The following HEPH variants were observed in gnomAD, a reference collection of about 807,000 sequenced individuals.
HEPH encodes the protein hephaestin.
HEPH carries 69 observed loss-of-function variants against 80.8 expected under a neutral mutation model. That is an observed-to-expected ratio of 0.85 (90% CI 0.70 to 1.04). The LOEUF (loss-of-function observed/expected upper bound fraction) is 1.04. Ranked by LOEUF, HEPH falls within the 50% of genes least tolerant of loss-of-function variation. The probability of loss-of-function intolerance (pLI) is 0.00; values close to 1 mark genes in which losing one functional copy is unlikely to be tolerated. For synonymous variants in HEPH, 431 were observed against 322.8 expected (o/e 1.34, Z -3.60); for missense variants, 1,115 against 891.3 (o/e 1.25, Z -3.20).
intron 15 of HEPH, among the ~76,000 whole-genome samples, chrX:66,241,270 G>T (rs1433181526): frequency 2.7e-5 from 3 of 111,682 alleles, no homozygotes; most frequent in African/African-American, 9.8e-5. Flanking sequence ...TATTGGCCTT[G>T]AATGAAAATG....
chrX:66,170,952 C>A (rs1258890299), intron 2 of HEPH, among the ~76,000 whole-genome samples: 1 of 111,277 alleles, frequency 9.0e-6, no homozygotes, highest in African/African-American at 3.3e-5. Flanking sequence ...TTTTTAGAGT[C>A]CTAAAGAGAA....
chrX:66,180,804 G>T (rs2087094952), intron 4 of HEPH, among the ~76,000 whole-genome samples: 1 of 85,802 alleles, frequency 1.2e-5, no homozygotes, highest in Non-Finnish European at 2.3e-5. Context: ...CCACTAACGT[G>T]TCATCTAGCA....
Position 66,188,396 on chromosome X carries a change from T to C in HEPH, c.663T>C (p.Asp221=), listed in dbSNP as rs750739142. The C allele has an allele frequency of 2.5e-6, 3 of 1,201,728 alleles. No homozygotes were observed. Among genetic ancestry groups the C allele is most frequent in the Non-Finnish European group, 3.4e-6 (3 of 890,159 alleles). Residue 221 remains aspartate, a synonymous_variant, in exon 5 of 21, where the codon GAT becomes GAC. Coordinates refer to ENST00000343002, the MANE Select transcript of HEPH (RefSeq NM_001367233.3). ...LDGNSPPQRQ[D]VDHDFFLLFS... ...GGAACTCCCCTCCTCAACGCCAGGA[T>C]GTAGACCATGATTTCTTCCTCCTCT...
chrX:66,230,988 T>G lies in HEPH; in HGVS notation c.2563+22742T>G, dbSNP rs1459424480. Among the ~76,000 whole-genome samples the G allele has an allele frequency of 6.5e-3, 705 of 107,909 alleles. 32 individuals carry two copies. The Admixed American group carries it at 0.066, about 10-fold the overall frequency. 93.7% of individuals were successfully genotyped at this position (107,909 alleles called of 115,157 possible). On this transcript the variant is annotated intron_variant, in intron 15 of 20. Coordinates refer to ENST00000343002, the MANE Select transcript of HEPH (RefSeq NM_001367233.3). ...AGGAAAGGATCCAGTTTCAGCTTTCTACATATGGCTAGCCAGTTTTCCCAG... is the reference window on the plus strand; with the variant it reads ...AGGAAAGGATCCAGTTTCAGCTTTCGACATATGGCTAGCCAGTTTTCCCAG...
chrX:66,268,209 C>A (rs1375962369), downstream of HEPH: 1 of 112,151 alleles, frequency 8.9e-6, no homozygotes, highest in African/African-American at 3.2e-5. Flanking sequence ...ATCCACTAAT[C>A]TCCATCCACC....
chrX:66,198,546 C>T (rs965457715), intron 10 of HEPH, among the ~76,000 whole-genome samples: 3 of 110,857 alleles, frequency 2.7e-5, no homozygotes, highest in Non-Finnish European at 3.8e-5. Flanking sequence ...CCCTGCTTTT[C>T]TAGCCACCTC....
At position 66,197,761 on chromosome X, in the gene HEPH, C is replaced by T; in HGVS notation, c.1580C>T (p.Pro527Leu). Residue 527 changes from proline (P) to leucine (L), a missense_variant, in exon 10 of 21, where the codon CCC (proline) becomes CTC (leucine). Pro to Leu is a moderately conservative substitution (Grantham distance 98). Transcript: ENST00000343002. ...TGGACAGTCCCCCCTCATGCCGGTC[C>T]CACTGCTCAGGATCCTGCTTGTCTC... ...YRWTVPPHAG[P>L]TAQDPACLTW... 1.7e-6 allele frequency: 2 copies of T among 1,211,627 alleles called. No homozygotes were observed. Among genetic ancestry groups the T allele is most frequent in the Non-Finnish European group, 2.2e-6 (2 of 895,271 alleles).
At chrX:66,204,655 T>C (rs999465869) in intron 13 of HEPH, among the ~76,000 whole-genome samples, 1 of 111,905 alleles carries the variant, frequency 8.9e-6, no homozygotes, top group Non-Finnish European at 1.9e-5. Flanking sequence ...ATGTTACTAA[T>C]TGATACTGAC....
At chrX:66,223,655 T>C (rs1285561538) in intron 15 of HEPH, among the ~76,000 whole-genome samples, 3 of 111,989 alleles carry the variant, frequency 2.7e-5, no homozygotes, top group Non-Finnish European at 5.6e-5. Context: ...GATACCCCTT[T>C]AACATTAGCT....
At chrX:66,176,425 C>T (rs1602212132) in intron 4 of HEPH, among the ~76,000 whole-genome samples, 1 of 111,490 alleles carries the variant, frequency 9.0e-6, no homozygotes, top group African/African-American at 3.3e-5. Context: ...TGTTGGATTC[C>T]ATTAGCTTGT....
chrX:66,200,241 G>GGTGTGTGT (rs57136656), intron 11 of HEPH, among the ~76,000 whole-genome samples: 19,611 of 90,797 alleles, frequency 0.22, 2,008 homozygotes, highest in African/African-American at 0.37. Flanking sequence ...AGGAGAGATT[G>GGTGTGTGT]GTGTGTGTGT....
chrX:66,236,955 C>T lies in HEPH; in HGVS notation c.2564-18080C>T, dbSNP rs183562190. 9.0e-5 allele frequency among the ~76,000 whole-genome samples: 10 copies of T among 111,432 alleles called. No individual in the cohort carries two copies. The East Asian group carries it at 2.2e-3, about 25-fold the overall frequency. Reference sequence around the variant, plus strand: ...TTGGCTATCTGTATTTCTGTAGGGTCAATGGTAATATCCCCTTTGTCATTT... The same window carrying T: ...TTGGCTATCTGTATTTCTGTAGGGTTAATGGTAATATCCCCTTTGTCATTT... On this transcript the variant is annotated intron_variant, in intron 15 of 20. Transcript: ENST00000343002.
intron 15 of HEPH, among the ~76,000 whole-genome samples, chrX:66,241,813 G>A (rs987606822): frequency 4.5e-5 from 5 of 111,017 alleles, no homozygotes; most frequent in African/African-American, 1.3e-4. Context: ...AATTCAGGGA[G>A]GTGGAGGATG....
At chrX:66,236,849 A>G (rs2090380426) in intron 15 of HEPH, among the ~76,000 whole-genome samples, 1 of 110,548 alleles carries the variant, frequency 9.0e-6, no homozygotes, top group South Asian at 3.9e-4. Context: ...CTGTCTTGGG[A>G]GGGCGTATAT....
intron 15 of HEPH, among the ~76,000 whole-genome samples, chrX:66,218,469 T>C (rs1468781857): frequency 8.9e-6 from 1 of 111,945 alleles, no homozygotes; most frequent in African/African-American, 3.3e-5. Flanking sequence ...GACATCAAGA[T>C]AGAAATTTAA....
At chrX:66,176,431 C>T (rs772284531) in intron 4 of HEPH, among the ~76,000 whole-genome samples, 1 of 111,523 alleles carries the variant, frequency 9.0e-6, no homozygotes, top group East Asian at 2.8e-4. Flanking sequence ...ATTCCATTAG[C>T]TTGTATTTTG....
chrX:66,262,862 G>A (rs765275636), intron 19 of HEPH, among the ~76,000 whole-genome samples: 2 of 111,723 alleles, frequency 1.8e-5, no homozygotes, highest in African/African-American at 6.5e-5. Flanking sequence ...AAGGATGGGA[G>A]GTTGTTGTTA....
intron 13 of HEPH, 78 bp from the exon 14 acceptor site, chrX:66,207,117 T>G (rs1330906841): frequency 5.1e-6 from 5 of 978,721 alleles, no homozygotes; most frequent in Non-Finnish European, 6.9e-6. Context: ...TGGTTCTGAC[T>G]TAGCTTCCCC....
In HEPH at chrX:66,266,969, T is replaced by C. The variant is rs1008165443; in HGVS notation, c.*297T>C. The C allele has an allele frequency of 4.1e-6, 1 of 242,644 alleles. No individual in the cohort carries two copies. The highest frequency in any genetic ancestry group is 6.2e-5 in the Admixed American group (1 of 16,046). The allele number at this position is 242,644 out of a possible 1,213,427, so 20.0% of individuals were successfully genotyped here. Reference sequence around the variant, plus strand: ...TTTCCTTCTGACACTTGGAAGGTATTGAAATTTCTAGAAATGTATCCTTCT... The same window carrying C: ...TTTCCTTCTGACACTTGGAAGGTATCGAAATTTCTAGAAATGTATCCTTCT... On this transcript the variant is annotated 3_prime_UTR_variant, in exon 21 of 21. Transcript: ENST00000343002.
Sources: gnomAD v4.1 joint callset for allele counts (sites outside exome capture counted in the v4.1 genomes callset) on GRCh38, gnomAD v4.1.1 for gene constraint, MANE v1.5 for transcripts, NCBI Gene and HGNC (gene_info 2026-07-23, HGNC 2026-07-21) for gene names.